TMEM71: variants seen among roughly 807,000 people sequenced by gnomAD.
TMEM71 encodes transmembrane protein 71.
Under a neutral mutation model 38.0 loss-of-function variants are expected in TMEM71, and 44 were observed. That is an observed-to-expected ratio of 1.16 (90% CI 0.91 to 1.49). The LOEUF is 1.49. TMEM71 is among the 40% of genes most tolerant of loss of function. TMEM71 has a pLI of 0.00. For synonymous variants in TMEM71, 133 were observed against 122.5 expected, an observed-to-expected ratio of 1.09 and a Z score of -0.56; for missense variants, 367 against 348.6, an observed-to-expected ratio of 1.05 and a Z score of -0.42.
intron 5 of TMEM71, among the ~76,000 whole-genome samples, chr8:132,744,336 C>T (rs778936520): frequency 1.6e-4 from 25 of 152,256 alleles, no homozygotes; most frequent in South Asian, 2.1e-4. Context: ...TGAGAATCAA[C>T]GTACAGAAAT....
intron 7 of TMEM71, among the ~76,000 whole-genome samples, chr8:132,719,335 A>G (rs896845610): frequency 9.9e-5 from 15 of 152,266 alleles, no homozygotes; most frequent in African/African-American, 3.4e-4. Context: ...GAGTGTCTAC[A>G]TGATGCCACA....
At chr8:132,748,048 C>G (rs903543448) in intron 4 of TMEM71, among the ~76,000 whole-genome samples, 3 of 152,182 alleles carry the variant, frequency 2.0e-5, no homozygotes, top group Non-Finnish European at 4.4e-5. Flanking sequence ...TGTGATGTGT[C>G]AAGCCCTGTG....
chr8:132,745,307 A>C (rs1277017620), intron 5 of TMEM71, among the ~76,000 whole-genome samples: 1 of 152,206 alleles, frequency 6.6e-6, no homozygotes, highest in African/African-American at 2.4e-5. Context: ...TAGAACCTAT[A>C]AGGAGTTTAA....
chr8:132,713,933 C>T, intron 9 of TMEM71, 62 bp downstream of exon 9: 1 of 1,530,654 alleles, frequency 6.5e-7, no homozygotes, highest in East Asian at 2.3e-5. Context: ...AGAAACCATT[C>T]TCAGATATCA....
rs552384981 is a variant in TMEM71 at position 132,749,187 on chromosome 8, C to G, written c.315-2073G>C. Among the ~76,000 whole-genome samples, 40 of 152,236 alleles carry G rather than the reference C, an allele frequency of 2.6e-4. No individual in the cohort carries two copies. The South Asian group carries it at 6.6e-3, about 25-fold the overall frequency. ...ATGTAAGAAAACCACCTTGCAATAG[C>G]CTGGCCTGGGGAATGTACTGGAAGG... is the stretch of plus-strand genomic sequence containing the variant. On this transcript the variant is annotated intron_variant, in intron 4 of 9. Transcript: ENST00000677595.
intron 5 of TMEM71, among the ~76,000 whole-genome samples, chr8:132,744,817 G>T (rs148674980): frequency 1.5e-3 from 226 of 152,222 alleles, no homozygotes; most frequent in African/African-American, 5.3e-3. Context: ...GCATGGTACT[G>T]GTACAAAAAC....
the TMEM71 span, among the ~76,000 whole-genome samples, chr8:132,769,500 T>G: frequency 1.3e-5 from 2 of 152,216 alleles, no homozygotes; most frequent in East Asian, 1.9e-4. Context: ...ACTGACTGTG[T>G]GTGTCTCCCT....
intron 5 of TMEM71, 148 bp from the exon 6 acceptor site, chr8:132,728,134 G>T: frequency 1.8e-6 from 1 of 560,454 alleles, no homozygotes; most frequent in Non-Finnish European, 3.0e-6. Flanking sequence ...ATAGTGGGAT[G>T]GGAGAAGGAT....
intron 3 of TMEM71, 64 bp from the exon 4 acceptor site, chr8:132,752,061 T>C (rs1828746076): frequency 1.5e-6 from 2 of 1,353,556 alleles, no homozygotes; most frequent in Non-Finnish European, 2.1e-6. Context: ...AAATAAACCA[T>C]GTCTCATCAC....
downstream of TMEM71, among the ~76,000 whole-genome samples, chr8:132,708,481 A>T (rs148684228): frequency 1.3e-5 from 2 of 152,330 alleles, no homozygotes; most frequent in African/African-American, 4.8e-5. Context: ...TGACATTAGC[A>T]CAAGCTTAGC....
At chr8:132,749,224 G>A (rs531637476) in intron 4 of TMEM71, among the ~76,000 whole-genome samples, 2 of 152,308 alleles carry the variant, frequency 1.3e-5, no homozygotes, top group African/African-American at 4.8e-5. Context: ...AGGTAATCCA[G>A]GAGGCATCAG....
At chr8:132,746,648 C>T (rs567763538) in intron 5 of TMEM71, among the ~76,000 whole-genome samples, 1 of 151,864 alleles carries the variant, frequency 6.6e-6, no homozygotes, top group African/African-American at 2.4e-5. Flanking sequence ...AGTATCCTTT[C>T]TCCACCAATA....
At chr8:132,716,419 T>A (rs1271367562) in intron 7 of TMEM71, among the ~76,000 whole-genome samples, 1 of 152,194 alleles carries the variant, frequency 6.6e-6, no homozygotes, top group East Asian at 1.9e-4. Context: ...GTATATTCCA[T>A]AGCATATTTT....
the TMEM71 span, among the ~76,000 whole-genome samples, chr8:132,765,809 G>A: frequency 6.6e-6 from 1 of 150,722 alleles, no homozygotes; most frequent in Non-Finnish European, 1.5e-5. Flanking sequence ...TGTCTTTTGA[G>A]ACAGAGTCTC....
At chr8:132,767,497 A>G in the TMEM71 span, among the ~76,000 whole-genome samples, 1 of 138,020 alleles carries the variant, frequency 7.2e-6, no homozygotes. Flanking sequence ...TTTTTTTTAG[A>G]TAGAGTCTTG....
intron 5 of TMEM71, among the ~76,000 whole-genome samples, chr8:132,745,881 C>G (rs114549046): frequency 0.026 from 3,964 of 151,634 alleles, 183 homozygotes; most frequent in African/African-American, 0.092. Context: ...ATGGCTGCAG[C>G]TAGAAGCCAT....
intron 7 of TMEM71, among the ~76,000 whole-genome samples, chr8:132,721,830 C>G (rs1388668098): frequency 1.3e-5 from 2 of 152,120 alleles, no homozygotes; most frequent in Admixed American, 6.5e-5. Context: ...GCCACCGTGC[C>G]TGGCCCACTT....
At chr8:132,771,986 A>G in the TMEM71 span, among the ~76,000 whole-genome samples, 31 of 152,332 alleles carry the variant, frequency 2.0e-4, no homozygotes, top group East Asian at 6.0e-3. Flanking sequence ...ATGCACATGG[A>G]ATGAAGAGAT....
At position 132,710,910 on chromosome 8, in the gene TMEM71, G is replaced by C; in HGVS notation, c.*57C>G. On this transcript the variant is annotated 3_prime_UTR_variant, in exon 10 of 10. Coordinates refer to ENST00000677595, the MANE Select transcript of TMEM71 (RefSeq NM_001382403.1). ...TTGATTCCAAGTAGACTGCAAGTTG[G>C]ACAATTTCCAGATATTCAGATGGAG... is the stretch of plus-strand genomic sequence containing the variant. 6.4e-7 allele frequency: 1 copy of C among 1,552,834 alleles called. No homozygotes were observed. Among genetic ancestry groups the C allele is most frequent in the African/African-American group, 1.4e-5 (1 of 72,868 alleles).
Sources: allele counts gnomAD v4.1 joint callset (sites outside exome capture counted in the v4.1 genomes callset), GRCh38; gene constraint gnomAD v4.1.1; transcripts MANE v1.5; gene names NCBI Gene and HGNC (gene_info 2026-07-23, HGNC 2026-07-21).